Variants in DMRTA1 observed in about 807,000 individuals in gnomAD.
The protein encoded by DMRTA1 is doublesex- and mab-3-related transcription factor A1.
Under a neutral mutation model 35.2 loss-of-function variants are expected in DMRTA1, and 34 were observed. The ratio of observed to expected loss-of-function variants is 0.97; its 90% CI spans 0.74 to 1.29. The LOEUF (loss-of-function observed/expected upper bound fraction) is 1.29, where lower values mean the gene tolerates loss of function less well. Ranked by LOEUF, DMRTA1 falls within the 50% of genes most tolerant of loss-of-function variation. The pLI, the probability that DMRTA1 is intolerant of heterozygous loss-of-function variation, is 0.00. For synonymous variants in DMRTA1, 344 were observed against 276.6 expected (o/e 1.24, Z -2.42); for missense variants, 824 against 644.6 (o/e 1.28, Z -3.01).
rs1202890654 is a variant in DMRTA1, at chr9:22,447,452, C to A, written c.387C>A (p.Ile129=). ...GCGCGTGTGCCAAGTGCACCCTGAT[C>A]GCCGAGCGCCAGCGCGTCATGGCCG... ...RDCACAKCTL[I]AERQRVMAAQ... is the part of the protein sequence containing the mutation. The change falls in exon 1 of 2, where the codon ATC becomes ATA. Residue 129 remains isoleucine, a synonymous_variant. Coordinates refer to ENST00000325870, the MANE Select transcript of DMRTA1 (RefSeq NM_022160.3). The A allele has an allele frequency of 6.4e-7, 1 of 1,553,170 alleles. No individual in the cohort carries two copies. The highest frequency in any genetic ancestry group is 1.9e-5 in the Admixed American group (1 of 52,478).
Position 22,447,209 on chromosome 9 carries a change from G to A in DMRTA1, c.144G>A (p.Leu48=). ...PSGMQVPPAF[L]RPPSLFLRAA... ...GGATGCAGGTTCCCCCAGCGTTCCT[G>A]CGGCCGCCCAGCCTCTTTCTGCGAG... The change falls in exon 1 of 2, where the codon CTG becomes CTA. Residue 48 remains leucine, a synonymous_variant. Transcript: ENST00000325870. The A allele has an allele frequency of 6.3e-7, 1 of 1,578,864 alleles. No individual in the cohort carries two copies. The highest frequency in any genetic ancestry group is 1.1e-5 in the South Asian group (1 of 87,822).
chr9:22,447,220 G>A lies in DMRTA1; in HGVS notation c.155G>A (p.Ser52Asn). ...QVPPAFLRPP[S>N]LFLRAAAAAA... ...CCCCCAGCGTTCCTGCGGCCGCCCA[G>A]CCTCTTTCTGCGAGCAGCGGCCGCG... Residue 52 changes from serine to asparagine, a missense_variant, in exon 1 of 2, where the codon AGC becomes AAC. Physicochemically the swap from Ser to Asn is conservative, Grantham distance 46. Coordinates refer to ENST00000325870, the MANE Select transcript of DMRTA1 (RefSeq NM_022160.3). The A allele has an allele frequency of 6.4e-7, 1 of 1,559,558 alleles. No homozygotes were observed. The highest frequency in any genetic ancestry group is 8.6e-7 in the Non-Finnish European group (1 of 1,159,012).
In DMRTA1 at chr9:22,447,188, G is replaced by A; in HGVS notation, c.123G>A (p.Met41Ile). Residue 41 changes from methionine to isoleucine, a missense_variant, in exon 1 of 2, where the codon ATG becomes ATA. By Grantham distance (10) the Met-to-Ile change is conservative (BLOSUM62 1). Coordinates refer to ENST00000325870, the MANE Select transcript of DMRTA1 (RefSeq NM_022160.3). ...PSPALPVPSG[M>I]QVPPAFLRPP... is the part of the protein sequence containing the mutation. ...CGGCGTTGCCGGTACCATCGGGGATGCAGGTTCCCCCAGCGTTCCTGCGGC... is the reference window on the plus strand; with the variant it reads ...CGGCGTTGCCGGTACCATCGGGGATACAGGTTCCCCCAGCGTTCCTGCGGC... The A allele has an allele frequency of 6.3e-7, 1 of 1,596,390 alleles. No homozygotes were observed. The highest frequency in any genetic ancestry group is 8.5e-7 in the Non-Finnish European group (1 of 1,173,510).
rs1818851892 is a variant in DMRTA1, at chr9:22,447,440, G to A, written c.375G>A (p.Lys125=). The A allele has an allele frequency of 1.9e-6, 3 of 1,553,708 alleles. No individual in the cohort carries two copies. The highest frequency in any genetic ancestry group is 1.2e-5 in the South Asian group (1 of 84,938). The part of the protein sequence containing the change: ...FCRWRDCACA[K]CTLIAERQRV... ...GCTGGCGGGACTGCGCGTGTGCCAA[G>A]TGCACCCTGATCGCCGAGCGCCAGC... is the stretch of plus-strand genomic sequence containing the variant. The change falls in exon 1 of 2, where the codon AAG becomes AAA. Residue 125 remains lysine, a synonymous_variant. Transcript: ENST00000325870.
rs755681561 is a variant in DMRTA1 at position 22,451,301 on chromosome 9, C to T, written c.905C>T (p.Ser302Leu). Residue 302 changes from serine to leucine, a missense_variant, in exon 2 of 2, where the codon TCA (serine) becomes TTA (leucine). Coordinates refer to ENST00000325870, the MANE Select transcript of DMRTA1 (RefSeq NM_022160.3). The stretch of plus-strand genomic sequence containing the variant: ...TCCTTATCATCCTCTGATCTGGAAT[C>T]AGGAAATGAAAGTGAATGGGTCAAA... ...PRSLSSSDLESGNESEWVKDL... is the reference protein window; with the variant it reads ...PRSLSSSDLELGNESEWVKDL... 1.2e-6 allele frequency: 2 copies of T among 1,613,996 alleles called. No homozygotes were observed. Among genetic ancestry groups the T allele is most frequent in the Admixed American group, 3.3e-5 (2 of 60,010 alleles).
rs776246092 is a variant in DMRTA1 at position 22,447,603 on chromosome 9, G to C, written c.538G>C (p.Glu180Gln). ...GGCATCCGGGGGCGGCGGCAGAGCC[G>C]AGAATCCACAGTCCACGGGCGGCCC... ...GRASGGGGRA[E>Q]NPQSTGGPAA... is the part of the protein sequence containing the mutation. Residue 180 changes from glutamate (E) to glutamine (Q), a missense_variant, in exon 1 of 2, where the codon GAG (glutamate) becomes CAG (glutamine). Physicochemically the swap from Glu to Gln is conservative, Grantham distance 29. Transcript: ENST00000325870. 4 of 1,606,562 alleles carry C rather than the reference G, an allele frequency of 2.5e-6. No homozygotes were observed. Among genetic ancestry groups the C allele is most frequent in the Non-Finnish European group, 2.5e-6 (3 of 1,177,576 alleles).
At chr9:22,448,025 G>A (rs961035903) in intron 1 of DMRTA1, among the ~76,000 whole-genome samples, 1 of 152,104 alleles carries the variant, frequency 6.6e-6, no homozygotes, top group Non-Finnish European at 1.5e-5. Flanking sequence ...TTATTTACTC[G>A]GAAGTTGATT....
In DMRTA1 at chr9:22,447,013, G is replaced by A; in HGVS notation, c.-53G>A. 6.4e-7 allele frequency: 1 copy of A among 1,569,702 alleles called. No homozygotes were observed. The highest frequency in any genetic ancestry group is 8.6e-7 in the Non-Finnish European group (1 of 1,158,578). ...CTTCCCCAGCCTCCCAGCAGGGTTAGCTGCGGTCAGCGCACTTTCCACTTG... is the reference window on the plus strand; with the variant it reads ...CTTCCCCAGCCTCCCAGCAGGGTTAACTGCGGTCAGCGCACTTTCCACTTG... On this transcript the variant is annotated 5_prime_UTR_variant, in exon 1 of 2. Transcript: ENST00000325870.
chr9:22,450,747 C>G (rs375815956), intron 1 of DMRTA1, among the ~76,000 whole-genome samples: 1 of 152,106 alleles, frequency 6.6e-6, no homozygotes, highest in East Asian at 1.9e-4. Flanking sequence ...AGACAGTGTG[C>G]CATATTGGTG....
chr9:22,451,633 C>G lies in DMRTA1; in HGVS notation c.1237C>G (p.Gln413Glu). The change falls in exon 2 of 2, where the codon CAA (glutamine) becomes GAA (glutamate). Residue 413 changes from glutamine to glutamate, a missense_variant. Transcript: ENST00000325870. ...LGNKSAFSPL[Q>E]TTSASYGGDS... The stretch of plus-strand genomic sequence containing the variant: ...TAATAAATCAGCTTTCTCTCCTCTT[C>G]AAACTACTTCTGCTTCTTATGGAGG... 6.2e-7 allele frequency: 1 copy of G among 1,614,126 alleles called. No homozygotes were observed. The highest frequency in any genetic ancestry group is 8.5e-7 in the Non-Finnish European group (1 of 1,179,964).
chr9:22,447,103 T>C lies in DMRTA1; in HGVS notation c.38T>C (p.Val13Ala). ...RSQCGSRDRG[V>A]SGRPHLAPGL... ...CAGTGTGGCAGCAGAGACCGAGGCG[T>C]TAGCGGCCGACCTCACTTGGCCCCT... Residue 13 changes from valine (V) to alanine (A), a missense_variant, in exon 1 of 2, where the codon GTT (valine) becomes GCT (alanine). Coordinates refer to ENST00000325870, the MANE Select transcript of DMRTA1 (RefSeq NM_022160.3). 2.5e-6 allele frequency: 4 copies of C among 1,609,340 alleles called. No individual in the cohort carries two copies. Among genetic ancestry groups the C allele is most frequent in the Non-Finnish European group, 3.4e-6 (4 of 1,178,618 alleles).
Position 22,451,284 on chromosome 9 carries a change from A to G in DMRTA1, c.888A>G (p.Ser296=). 6.2e-7 allele frequency: 1 copy of G among 1,614,134 alleles called. No individual in the cohort carries two copies. Among genetic ancestry groups the G allele is most frequent in the South Asian group, 1.1e-5 (1 of 91,078 alleles). Reference sequence around the variant, plus strand: ...GTGAAGAGAGTCCCAGGTCCTTATCATCCTCTGATCTGGAATCAGGAAATG... The same window carrying G: ...GTGAAGAGAGTCCCAGGTCCTTATCGTCCTCTGATCTGGAATCAGGAAATG... ...SGGEESPRSL[S]SSDLESGNES... is the part of the protein sequence containing the mutation. Residue 296 remains serine (S), a synonymous_variant, in exon 2 of 2, where the codon TCA becomes TCG. Coordinates refer to ENST00000325870, the MANE Select transcript of DMRTA1 (RefSeq NM_022160.3).
intron 1 of DMRTA1, among the ~76,000 whole-genome samples, chr9:22,449,442 A>G (rs1022618929): frequency 6.6e-5 from 10 of 152,158 alleles, no homozygotes; most frequent in African/African-American, 1.9e-4. Flanking sequence ...AAGACACCAT[A>G]TTTTCTAAAT....
Position 22,447,599 on chromosome 9 carries a change from A to C in DMRTA1, c.534A>C (p.Arg178Ser), listed in dbSNP as rs939623197. The C allele has an allele frequency of 1.2e-6, 2 of 1,605,132 alleles. No individual in the cohort carries two copies. The highest frequency in any genetic ancestry group is 1.3e-5 in the African/African-American group (1 of 74,476). ...PGGRASGGGG[R>S]AENPQSTGGP... Reference sequence around the variant, plus strand: ...GTCGGGCATCCGGGGGCGGCGGCAGAGCCGAGAATCCACAGTCCACGGGCG... The same window carrying C: ...GTCGGGCATCCGGGGGCGGCGGCAGCGCCGAGAATCCACAGTCCACGGGCG... Residue 178 changes from arginine (R) to serine (S), a missense_variant, in exon 1 of 2, where the codon AGA (arginine) becomes AGC (serine). Arg to Ser is a moderately radical substitution (Grantham distance 110, BLOSUM62 -1). Coordinates refer to ENST00000325870, the MANE Select transcript of DMRTA1 (RefSeq NM_022160.3).
chr9:22,451,624 T>C lies in DMRTA1; in HGVS notation c.1228T>C (p.Ser410Pro), dbSNP rs1311592895. ...FGTLGNKSAF[S>P]PLQTTSASYG... ...AACTCTAGGTAATAAATCAGCTTTC[T>C]CTCCTCTTCAAACTACTTCTGCTTC... is the stretch of plus-strand genomic sequence containing the variant. The change falls in exon 2 of 2, where the codon TCT (serine) becomes CCT (proline). Residue 410 changes from serine to proline, a missense_variant. By Grantham distance (74) the Ser-to-Pro change is moderately conservative. Coordinates refer to ENST00000325870, the MANE Select transcript of DMRTA1 (RefSeq NM_022160.3). 2.5e-6 allele frequency: 4 copies of C among 1,614,002 alleles called. No individual in the cohort carries two copies. The highest frequency in any genetic ancestry group is 1.6e-4 in the Middle Eastern group (1 of 6,084).
At position 22,451,691 on chromosome 9, in the gene DMRTA1, T is replaced by A; in HGVS notation, c.1295T>A (p.Val432Glu). The A allele has an allele frequency of 3.7e-6, 6 of 1,614,082 alleles. No homozygotes were observed. The highest frequency in any genetic ancestry group is 5.1e-6 in the Non-Finnish European group (6 of 1,179,944). ...AGTCTCTACGGCGTAAATCCTAGAG[T>A]AGGTATCAGTCCATTAAGGCTGGCA... The part of the protein sequence containing the change: ...DSSLYGVNPR[V>E]GISPLRLAYS... Residue 432 changes from valine (V) to glutamate (E), a missense_variant, in exon 2 of 2, where the codon GTA becomes GAA. Physicochemically the swap from Val to Glu is moderately radical, Grantham distance 121. Coordinates refer to ENST00000325870, the MANE Select transcript of DMRTA1 (RefSeq NM_022160.3).
Position 22,451,994 on chromosome 9 carries a change from T to C in DMRTA1, c.*83T>C, listed in dbSNP as rs1818939457. The C allele has an allele frequency of 6.6e-7, 1 of 1,511,856 alleles. No homozygotes were observed. The highest frequency in any genetic ancestry group is 8.9e-7 in the Non-Finnish European group (1 of 1,121,312). The allele number at this position is 1,511,856 out of a possible 1,614,324, so 93.7% of individuals were successfully genotyped here. On this transcript the variant is annotated 3_prime_UTR_variant, in exon 2 of 2. Coordinates refer to ENST00000325870, the MANE Select transcript of DMRTA1 (RefSeq NM_022160.3). ...ACACACATACACACACATCCATTAATATACTTCAGTAAGTATGTGAGTGGA... is the reference window on the plus strand; with the variant it reads ...ACACACATACACACACATCCATTAACATACTTCAGTAAGTATGTGAGTGGA...
In DMRTA1 at chr9:22,447,210, C is replaced by T. The variant is rs555297669; in HGVS notation, c.145C>T (p.Arg49Trp). ...SGMQVPPAFL[R>W]PPSLFLRAAA... The stretch of plus-strand genomic sequence containing the variant: ...GATGCAGGTTCCCCCAGCGTTCCTG[C>T]GGCCGCCCAGCCTCTTTCTGCGAGC... Residue 49 changes from arginine (R) to tryptophan (W), a missense_variant, in exon 1 of 2, where the codon CGG becomes TGG. Arg to Trp is a moderately radical substitution (Grantham distance 101). Transcript: ENST00000325870. 1 of 1,576,780 alleles carries T rather than the reference C, an allele frequency of 6.3e-7. No homozygotes were observed. Among genetic ancestry groups the T allele is most frequent in the Non-Finnish European group, 8.6e-7 (1 of 1,165,428 alleles).
Position 22,451,911 on chromosome 9 carries a change from A to G in DMRTA1, c.1515A>G (p.Ter505=), listed in dbSNP as rs1310460576. The G allele has an allele frequency of 4.3e-6, 7 of 1,613,726 alleles. No individual in the cohort carries two copies. Among genetic ancestry groups the G allele is most frequent in the Non-Finnish European group, 5.9e-6 (7 of 1,179,784 alleles). ...TCAGACCAAATCAGGACAATCCGTA[A>G]TGTATATGCCCATTCTCTCTTTCTG... ...LYFRPNQDNP[*] is the part of the protein sequence containing the mutation. The change falls in exon 2 of 2, where the codon TAA becomes TAG. Residue 505 remains the stop codon, a stop_retained_variant. Coordinates refer to ENST00000325870, the MANE Select transcript of DMRTA1 (RefSeq NM_022160.3).
Sources: allele counts gnomAD v4.1 joint callset (sites outside exome capture counted in the v4.1 genomes callset), GRCh38; gene constraint gnomAD v4.1.1; transcripts MANE v1.5; gene names NCBI Gene and HGNC (gene_info 2026-07-23, HGNC 2026-07-21).